MRPL37: variants seen among roughly 807,000 people sequenced by gnomAD.
MRPL37 encodes the protein mitochondrial ribosomal protein L37.
MRPL37 carries 34 observed loss-of-function variants against 44.1 expected under a neutral mutation model. That is an observed-to-expected ratio of 0.77 (90% CI 0.59 to 1.03). The LOEUF is 1.03. Among genes scored for constraint, MRPL37 ranks in the 50% least tolerant of loss-of-function variants. The pLI, the probability that MRPL37 is intolerant of heterozygous loss-of-function variation, is 0.00. For synonymous variants in MRPL37, 212 were observed against 219.5 expected (o/e 0.97, Z 0.30); for missense variants, 532 against 543.7 (o/e 0.98, Z 0.21).
At chr1:54,223,330 G>A (rs1401639570), downstream of MRPL37, among the ~76,000 whole-genome samples, 1 of 152,212 alleles carries the variant, frequency 6.6e-6, no homozygotes, top group Non-Finnish European at 1.5e-5. Context: ...CTCAGTTCAG[G>A]GTCAGAGCCC....
intron 3 of MRPL37, among the ~76,000 whole-genome samples, chr1:54,209,406 G>A (rs1453451806): frequency 6.6e-6 from 1 of 152,028 alleles, no homozygotes; most frequent in African/African-American, 2.4e-5. Flanking sequence ...GAGGCACATG[G>A]GAGGATGAAG....
At chr1:54,223,198 G>A (rs1172416535), downstream of MRPL37, among the ~76,000 whole-genome samples, 1 of 152,198 alleles carries the variant, frequency 6.6e-6, no homozygotes, top group Non-Finnish European at 1.5e-5. Flanking sequence ...CCCAGTGCTT[G>A]TACCCAGTGA....
downstream of MRPL37, among the ~76,000 whole-genome samples, chr1:54,219,764 G>A (rs77785047): frequency 4.2e-3 from 638 of 152,302 alleles, 3 homozygotes; most frequent in African/African-American, 0.015. Context: ...GTGAAAATGT[G>A]TATGTATCAT....
downstream of MRPL37, among the ~76,000 whole-genome samples, chr1:54,224,833 A>G (rs369806338): frequency 1.3e-5 from 2 of 152,050 alleles, no homozygotes; most frequent in Admixed American, 6.6e-5. Flanking sequence ...TGCCAGCCCC[A>G]CCTGATTCAT....
chr1:54,220,441 C>A (rs1033281579), downstream of MRPL37, among the ~76,000 whole-genome samples: 1 of 152,206 alleles, frequency 6.6e-6, no homozygotes, highest in African/African-American at 2.4e-5. Flanking sequence ...CCCAACTACA[C>A]TTTTGTGTCA....
At chr1:54,202,506 T>G (rs1443967937) in intron 1 of MRPL37, among the ~76,000 whole-genome samples, 1 of 151,982 alleles carries the variant, frequency 6.6e-6, no homozygotes, top group East Asian at 1.9e-4. Context: ...TGTCTCTCTC[T>G]CTCTCTTTTT....
downstream of MRPL37, chr1:54,225,021 C>G: frequency 8.7e-7 from 1 of 1,142,918 alleles, no homozygotes; most frequent in Non-Finnish European, 1.1e-6. Context: ...TGAAGCCAGT[C>G]CCACCCGAGG....
rs1185499506 is a variant in MRPL37 at position 54,218,223 on chromosome 1, G to T, written c.1246G>T (p.Ala416Ser). The change falls in exon 7 of 7, where the codon GCT becomes TCT. Residue 416 changes from alanine to serine, a missense_variant. Ala to Ser is a moderately conservative substitution (Grantham distance 99, BLOSUM62 1). Transcript: ENST00000360840. ...FKPETFRKFL[A>S]LYLHGAA ...GCCAGAGACATTCAGAAAGTTTTTA[G>T]CTCTATATTTGCATGGTGCTGCGTG... The T allele has an allele frequency of 6.2e-7, 1 of 1,614,228 alleles. No individual in the cohort carries two copies. The highest frequency in any genetic ancestry group is 1.1e-5 in the South Asian group (1 of 91,084).
At position 54,200,310 on chromosome 1, in the gene MRPL37, T is replaced by C. The variant is rs1481753085; in HGVS notation, c.67T>C (p.Phe23Leu). 1.2e-6 allele frequency: 2 copies of C among 1,613,022 alleles called. No individual in the cohort carries two copies. Among genetic ancestry groups the C allele is most frequent in the Non-Finnish European group, 1.7e-6 (2 of 1,179,756 alleles). The change falls in exon 1 of 7, where the codon TTC (phenylalanine) becomes CTC (leucine). Residue 23 changes from phenylalanine to leucine, a missense_variant. Transcript: ENST00000360840. The stretch of plus-strand genomic sequence containing the variant: ...CTCCGGGCAGCTCGGCCTTGGGGGC[T>C]TCGGGGCCCCGAGACGCGGGGCGTA... ...AGSGQLGLGG[F>L]GAPRRGAYEW...
At chr1:54,223,571 C>T (rs1278794751), downstream of MRPL37, among the ~76,000 whole-genome samples, 1 of 152,198 alleles carries the variant, frequency 6.6e-6, no homozygotes, top group Non-Finnish European at 1.5e-5. Flanking sequence ...TCTTTCCTGG[C>T]TCTGGGGCAG....
downstream of MRPL37, among the ~76,000 whole-genome samples, chr1:54,221,713 C>A (rs1644235706): frequency 6.6e-6 from 1 of 152,082 alleles, no homozygotes; most frequent in South Asian, 2.1e-4. Context: ...CACACACACA[C>A]ACGTGTACAC....
At position 54,212,635 on chromosome 1, in the gene MRPL37, G is replaced by A. The variant is rs1644173105; in HGVS notation, c.967G>A (p.Ala323Thr). The A allele has an allele frequency of 1.9e-6, 3 of 1,614,216 alleles. No individual in the cohort carries two copies. The highest frequency in any genetic ancestry group is 4.5e-5 in the East Asian group (2 of 44,884). Reference sequence around the variant, plus strand: ...CCTGTTTGCTTTTGGCAGTGCCCTGGCTCAGGCCCGGCTCCTCTATGGGGT... The same window carrying A: ...CCTGTTTGCTTTTGGCAGTGCCCTGACTCAGGCCCGGCTCCTCTATGGGGT... ...MILFAFGSAL[A>T]QARLLYGNDA... is the part of the protein sequence containing the mutation. The change falls in exon 5 of 7, where the codon GCT (alanine) becomes ACT (threonine). Residue 323 changes from alanine to threonine, a missense_variant. Coordinates refer to ENST00000360840, the MANE Select transcript of MRPL37 (RefSeq NM_016491.4).
intron 1 of MRPL37, among the ~76,000 whole-genome samples, chr1:54,200,809 G>GA (rs1280313438): frequency 2.0e-5 from 3 of 152,230 alleles, no homozygotes; most frequent in Admixed American, 2.0e-4. Flanking sequence ...GTGTCAGCAT[G>GA]AAAAGAGCTG....
Position 54,200,369 on chromosome 1 carries a change from GC to G in MRPL37, c.128del (p.Pro43LeufsTer75). ...GCGTGCGCTCCACGCGGAAGTCGGAGCCTCCTCCCCTGGATAGGGTGTACGA... is the reference window on the plus strand; with the variant it reads ...GCGTGCGCTCCACGCGGAAGTCGGAGCTCCTCCCCTGGATAGGGTGTACGA... The part of the protein sequence containing the change: ...WGVRSTRKSE[P>X]PPLDRVYEIP... On this transcript the variant is annotated frameshift_variant, in exon 1 of 7. Coordinates refer to ENST00000360840, the MANE Select transcript of MRPL37 (RefSeq NM_016491.4). LOFTEE classifies it high-confidence loss of function. 6.2e-7 allele frequency: 1 copy of G among 1,614,182 alleles called. No homozygotes were observed. The highest frequency in any genetic ancestry group is 8.5e-7 in the Non-Finnish European group (1 of 1,180,024).
At chr1:54,225,372 G>T (rs776524622), downstream of MRPL37, 34 of 1,233,932 alleles carry the variant, frequency 2.8e-5, no homozygotes, top group Non-Finnish European at 3.3e-5. Flanking sequence ...AAGTCACCTT[G>T]CATTTTGTAA....
intron 5 of MRPL37, among the ~76,000 whole-genome samples, chr1:54,213,718 G>A (rs1413225358): frequency 6.6e-6 from 1 of 152,206 alleles, no homozygotes; most frequent in African/African-American, 2.4e-5. Context: ...GTTTTAACAA[G>A]CCCCCCAGTT....
At chr1:54,213,646 C>T (rs11206304) in intron 5 of MRPL37, among the ~76,000 whole-genome samples, 23,119 of 152,190 alleles carry the variant, frequency 0.15, 2,222 homozygotes, top group East Asian at 0.47. Context: ...AAAAGGCATA[C>T]TCTCAGACCT....
intron 5 of MRPL37, among the ~76,000 whole-genome samples, chr1:54,213,979 T>C (rs1644181884): frequency 6.6e-6 from 1 of 152,160 alleles, no homozygotes; most frequent in South Asian, 2.1e-4. Flanking sequence ...GGCCAGGAGT[T>C]CGAGACCAGC....
chr1:54,206,889 C>T, intron 3 of MRPL37, among the ~76,000 whole-genome samples: 1 of 144,106 alleles, frequency 6.9e-6, no homozygotes, highest in East Asian at 2.1e-4. Context: ...TACCCGCCAC[C>T]ATGCCCAGCT....
Sources: gnomAD v4.1 joint callset for allele counts (sites outside exome capture counted in the v4.1 genomes callset) on GRCh38, gnomAD v4.1.1 for gene constraint, MANE v1.5 for transcripts, NCBI Gene and HGNC (gene_info 2026-07-23, HGNC 2026-07-21) for gene names.